The following FMN2 variants were observed in gnomAD, a reference collection of about 807,000 sequenced individuals.
The protein encoded by FMN2 is formin 2.
A neutral mutation model predicts 142.3 loss-of-function variants in FMN2; 51 were observed. The observed-to-expected ratio is 0.36, with a 90% CI of 0.29 to 0.45. The LOEUF (loss-of-function observed/expected upper bound fraction) is 0.45, where lower values mean the gene tolerates loss of function less well. Among genes scored for constraint, FMN2 ranks in the 20% least tolerant of loss-of-function variants. The probability of loss-of-function intolerance (pLI) is 1.00; values close to 1 mark genes in which losing one functional copy is unlikely to be tolerated. For missense variants in FMN2, 1,936 were observed against 2,122.8 expected (o/e 0.91, Z 1.73); for synonymous variants, 882 against 869.8 (o/e 1.01, Z -0.25).
At chr1:240,363,869 G>T (rs1672574279) in intron 14 of FMN2, among the ~76,000 whole-genome samples, 5 of 152,040 alleles carry the variant, frequency 3.3e-5, no homozygotes, top group Admixed American at 3.3e-4. Flanking sequence ...CCCCATGCTG[G>T]TCATGCTGGC....
rs925365805 is a variant in FMN2 at position 240,474,191 on chromosome 1, G to A, written c.*37G>A. ...CAGAATGAAAATGAGTCATTGCAACGACTTTCACAAAATTCAGCTGACCTG... is the reference window on the plus strand; with the variant it reads ...CAGAATGAAAATGAGTCATTGCAACAACTTTCACAAAATTCAGCTGACCTG... On this transcript the variant is annotated 3_prime_UTR_variant, in exon 18 of 18. Transcript: ENST00000319653. The A allele has an allele frequency of 3.9e-6, 6 of 1,528,714 alleles. No individual in the cohort carries two copies. In the East Asian group the frequency reaches 7.6e-5, roughly 19 times the overall value. 94.7% of individuals were successfully genotyped at this position (1,528,714 alleles called of 1,614,324 possible).
At chr1:240,244,168 C>A (rs905686928) in intron 6 of FMN2, among the ~76,000 whole-genome samples, 12 of 152,154 alleles carry the variant, frequency 7.9e-5, no homozygotes, top group African/African-American at 2.9e-4. Context: ...GTCCACTTTT[C>A]AGCAAGGTCA....
Position 240,208,319 on chromosome 1 carries a change from C to A in FMN2, c.3507C>A (p.Pro1169=), listed in dbSNP as rs374929692. ...GCATACCCCCACCTCCCCCTCTACC[C>A]GGAGCGGGCATACCCCCTCCGCCCC... is the stretch of plus-strand genomic sequence containing the variant. The part of the protein sequence containing the change: ...GAGIPPPPPL[P]GAGIPPPPPL... The change falls in exon 5 of 18, where the codon CCC becomes CCA. Residue 1169 remains proline, a synonymous_variant. Transcript: ENST00000319653. The A allele has an allele frequency of 1.6e-5, 17 of 1,051,924 alleles. No homozygotes were observed. The highest frequency in any genetic ancestry group is 1.1e-5 in the Non-Finnish European group (8 of 725,416). 65.2% of individuals were successfully genotyped at this position (1,051,924 alleles called of 1,614,324 possible).
intron 6 of FMN2, among the ~76,000 whole-genome samples, chr1:240,212,365 A>C (rs1666724103): frequency 1.3e-5 from 2 of 152,166 alleles, no homozygotes; most frequent in Admixed American, 1.3e-4. Flanking sequence ...GCATTTTATT[A>C]ATCTGAGAAT....
At chr1:240,339,914 C>T (rs1003446006) in intron 13 of FMN2, among the ~76,000 whole-genome samples, 10 of 151,928 alleles carry the variant, frequency 6.6e-5, no homozygotes, top group Non-Finnish European at 1.0e-4. Context: ...CTTCCTAACA[C>T]CTCCAATAAC....
At chr1:240,309,256 A>C (rs1670519326) in intron 8 of FMN2, among the ~76,000 whole-genome samples, 1 of 152,030 alleles carries the variant, frequency 6.6e-6, no homozygotes, top group African/African-American at 2.4e-5. Context: ...TCATTGGAGA[A>C]GGTGTGTTTG....
rs1023218988 is a variant in FMN2, at chr1:240,362,256, G to T, written c.4858+6348G>T. Reference sequence around the variant, plus strand: ...TATCTCTATTTTCTGTCACATATGTGACAAGAAACCATATGTGACATAGGA... The same window carrying T: ...TATCTCTATTTTCTGTCACATATGTTACAAGAAACCATATGTGACATAGGA... On this transcript the variant is annotated intron_variant, in intron 14 of 17. Coordinates refer to ENST00000319653, the MANE Select transcript of FMN2 (RefSeq NM_020066.5). Among the ~76,000 whole-genome samples the T allele has an allele frequency of 5.3e-4, 81 of 152,070 alleles. 1 individual carries two copies. The highest frequency in any genetic ancestry group is 1.9e-3 in the African/African-American group (78 of 41,422).
chr1:240,299,524 A>G (rs1326538920), intron 8 of FMN2, among the ~76,000 whole-genome samples: 1 of 152,182 alleles, frequency 6.6e-6, no homozygotes, highest in African/African-American at 2.4e-5. Flanking sequence ...GATAAAGCTA[A>G]CCATTGCTAT....
At chr1:240,372,421 A>G (rs1672897511) in intron 14 of FMN2, among the ~76,000 whole-genome samples, 1 of 152,114 alleles carries the variant, frequency 6.6e-6, no homozygotes, top group Admixed American at 6.5e-5. Context: ...GAAATATGAT[A>G]GGGAAGAATT....
intron 4 of FMN2, among the ~76,000 whole-genome samples, chr1:240,194,413 T>G (rs1018865148): frequency 1.3e-5 from 2 of 152,204 alleles, no homozygotes; most frequent in African/African-American, 4.8e-5. Context: ...ACTATTGCGC[T>G]AGGGAAGAGT....
intron 7 of FMN2, among the ~76,000 whole-genome samples, chr1:240,272,251 C>G (rs113158042): frequency 6.6e-6 from 1 of 152,068 alleles, no homozygotes; most frequent in Admixed American, 6.6e-5. Flanking sequence ...TTGTCCAGGA[C>G]CACATGGAGC....
chr1:240,155,894 CT>C (rs57086534), intron 2 of FMN2, among the ~76,000 whole-genome samples: 20,553 of 136,066 alleles, frequency 0.15, 2,332 homozygotes, highest in African/African-American at 0.33. Flanking sequence ...AAATTAGATA[CT>C]TTTTTTTTTT....
chr1:240,210,402 C>T (rs1263517536), intron 5 of FMN2, among the ~76,000 whole-genome samples: 1 of 152,158 alleles, frequency 6.6e-6, no homozygotes, highest in East Asian at 1.9e-4. Context: ...ATGGATTTTT[C>T]TACTCACTAC....
chr1:240,405,487 A>G (rs146059131), intron 15 of FMN2, among the ~76,000 whole-genome samples: 2,235 of 152,206 alleles, frequency 0.015, 61 homozygotes, highest in African/African-American at 0.049. Flanking sequence ...GCTTGGTGGC[A>G]CATGCCTGTA....
At chr1:240,155,811 ATTTG>A (rs914668891) in intron 2 of FMN2, among the ~76,000 whole-genome samples, 1 of 151,552 alleles carries the variant, frequency 6.6e-6, no homozygotes, top group Admixed American at 6.6e-5. Context: ...GCAATGCACA[ATTTG>A]TTAGTATATA....
chr1:240,341,687 A>C (rs1207975562), intron 13 of FMN2, among the ~76,000 whole-genome samples: 1 of 152,034 alleles, frequency 6.6e-6, no homozygotes, highest in African/African-American at 2.4e-5. Flanking sequence ...CCCCAAAATC[A>C]TTCACTGTCT....
In FMN2 at chr1:240,226,562, G is replaced by A. The variant is rs192599548; in HGVS notation, c.4065+15327G>A. ...GTTCAAGTTGAACGAAAATGATATGGTAATTTGAGATCACATATACAAAAA... is the reference window on the plus strand; with the variant it reads ...GTTCAAGTTGAACGAAAATGATATGATAATTTGAGATCACATATACAAAAA... On this transcript the variant is annotated intron_variant, in intron 6 of 17. Coordinates refer to ENST00000319653, the MANE Select transcript of FMN2 (RefSeq NM_020066.5). 2.7e-3 allele frequency among the ~76,000 whole-genome samples: 412 copies of A among 152,242 alleles called. 3 individuals carry two copies. In the South Asian group the frequency reaches 0.027, roughly 10 times the overall value.
At chr1:240,156,326 T>TA (rs373933678) in intron 2 of FMN2, among the ~76,000 whole-genome samples, 201 of 152,212 alleles carry the variant, frequency 1.3e-3, no homozygotes, top group African/African-American at 4.5e-3. Context: ...TTGAGGCAGA[T>TA]AAAAAAAATC....
chr1:240,435,984 T>C (rs963844730), intron 15 of FMN2, among the ~76,000 whole-genome samples: 2 of 152,184 alleles, frequency 1.3e-5, no homozygotes, highest in Non-Finnish European at 2.9e-5. Flanking sequence ...ATACATTCTT[T>C]TTAGGTATAT....
Sources: allele counts gnomAD v4.1 joint callset (sites outside exome capture counted in the v4.1 genomes callset), GRCh38; gene constraint gnomAD v4.1.1; transcripts MANE v1.5; gene names NCBI Gene and HGNC (gene_info 2026-07-23, HGNC 2026-07-21).